EXOC2: variants seen among roughly 807,000 people sequenced by gnomAD.
EXOC2 encodes the protein SEC5-like 1.
Under a neutral mutation model 131.8 loss-of-function variants are expected in EXOC2, and 70 were observed. The ratio of observed to expected loss-of-function variants is 0.53; its 90% confidence interval spans 0.44 to 0.65. The LOEUF is 0.65. EXOC2 is among the 30% of genes least tolerant of loss of function. EXOC2 has a pLI of 0.00. For missense variants in EXOC2, 923 were observed against 1,108.6 expected, an observed-to-expected ratio of 0.83 and a Z score of 2.38; for synonymous variants, 411 against 398.4, an observed-to-expected ratio of 1.03 and a Z score of -0.38.
At chr6:533,798 C>T (rs920236470) in intron 22 of EXOC2, among the ~76,000 whole-genome samples, 2 of 152,114 alleles carry the variant, frequency 1.3e-5, no homozygotes, top group South Asian at 2.1e-4. Context: ...GGCTGGTGGC[C>T]GTTCTGCTTC....
chr6:564,292 C>T (rs530132402), intron 15 of EXOC2, 138 bp from the exon 16 acceptor site: 18 of 1,318,940 alleles, frequency 1.4e-5, no homozygotes, highest in Non-Finnish European at 1.7e-5. Context: ...CAGACCACAA[C>T]TGGGACTGTA....
At chr6:677,047 T>C (rs180993317) in intron 1 of EXOC2, among the ~76,000 whole-genome samples, 557 of 36,694 alleles carry the variant, frequency 0.015, 72 homozygotes, top group East Asian at 0.1. Flanking sequence ...AGGACAGCTT[T>C]CTCTGGAGAC....
At chr6:617,225 A>G (rs1761059514) in intron 6 of EXOC2, among the ~76,000 whole-genome samples, 1 of 152,220 alleles carries the variant, frequency 6.6e-6, no homozygotes, top group African/African-American at 2.4e-5. Context: ...AAATGTCTAA[A>G]GCTATGACAT....
At chr6:576,260 C>G (rs1003803623) in intron 12 of EXOC2, among the ~76,000 whole-genome samples, 1 of 152,092 alleles carries the variant, frequency 6.6e-6, no homozygotes, top group Admixed American at 6.5e-5. Context: ...GGTAAATATC[C>G]ACTCCAGAAA....
At chr6:512,082 T>C (rs1764880476) in intron 23 of EXOC2, among the ~76,000 whole-genome samples, 2 of 152,232 alleles carry the variant, frequency 1.3e-5, no homozygotes, top group African/African-American at 4.8e-5. Flanking sequence ...ACACACACAG[T>C]CTTCTTCCTT....
At chr6:545,718 A>G (rs1183632715) in intron 22 of EXOC2, among the ~76,000 whole-genome samples, 4 of 152,250 alleles carry the variant, frequency 2.6e-5, no homozygotes, top group East Asian at 1.9e-4. Flanking sequence ...CTGTGAATCT[A>G]CTTCAGGATT....
intron 11 of EXOC2, among the ~76,000 whole-genome samples, chr6:589,302 C>T: frequency 6.6e-6 from 1 of 152,172 alleles, no homozygotes; most frequent in South Asian, 2.1e-4. Flanking sequence ...CGTCTCAATG[C>T]CGATCCAGAG....
rs142782864 is a variant in EXOC2, at chr6:659,666, G to A, written c.-43-21805C>T. On this transcript the variant is annotated intron_variant, in intron 1 of 27. Coordinates refer to ENST00000230449, the MANE Select transcript of EXOC2 (RefSeq NM_018303.6). ...CCTGGAGCTGAGTCAATCTGGAGGGGTGAGCGAAACACAGGGGTAGAGGCA... is the reference window on the plus strand; with the variant it reads ...CCTGGAGCTGAGTCAATCTGGAGGGATGAGCGAAACACAGGGGTAGAGGCA... Among the ~76,000 whole-genome samples, 566 of 152,284 alleles carry A rather than the reference G, an allele frequency of 3.7e-3. 5 individuals carry two copies. Among genetic ancestry groups the A allele is most frequent in the African/African-American group, 0.013 (524 of 41,544 alleles).
intron 4 of EXOC2, among the ~76,000 whole-genome samples, chr6:624,368 T>C (rs913114114): frequency 1.3e-5 from 2 of 152,258 alleles, no homozygotes; most frequent in African/African-American, 2.4e-5. Flanking sequence ...TGGATCACCA[T>C]ACCTTCCTCT....
chr6:545,119 A>G (rs1437997817), intron 22 of EXOC2, among the ~76,000 whole-genome samples: 2 of 135,854 alleles, frequency 1.5e-5, no homozygotes, highest in Admixed American at 8.1e-5. Flanking sequence ...TGCAGTCCGC[A>G]GTCCGGCCTG....
chr6:644,969 A>G (rs1343803292), intron 1 of EXOC2, among the ~76,000 whole-genome samples: 1 of 152,164 alleles, frequency 6.6e-6, no homozygotes, highest in African/African-American at 2.4e-5. Flanking sequence ...AGGTCATTCT[A>G]AAATTCCAGT....
intron 17 of EXOC2, among the ~76,000 whole-genome samples, chr6:559,576 A>C (rs3757114): frequency 0.39 from 58,774 of 152,042 alleles, 13,403 homozygotes; most frequent in South Asian, 0.65. Flanking sequence ...TCGTCCCTGC[A>C]GATAGTTATG....
Position 671,363 on chromosome 6 carries a change from AC to A in EXOC2, c.-44+21655del, listed in dbSNP as rs1175069928. 1.4e-4 allele frequency among the ~76,000 whole-genome samples: 21 copies of A among 151,632 alleles called. No individual in the cohort carries two copies. The South Asian group carries it at 4.4e-3, about 32-fold the overall frequency. ...ACAACAACAACAACAACAAAAAAAA[AC>A]AAAAAAAGAAAAACTATTTGTTTTT... is the stretch of plus-strand genomic sequence containing the variant. On this transcript the variant is annotated intron_variant, in intron 1 of 27. Transcript: ENST00000230449.
At chr6:593,799 C>T (rs1233429949) in intron 10 of EXOC2, among the ~76,000 whole-genome samples, 4 of 152,232 alleles carry the variant, frequency 2.6e-5, no homozygotes, top group Non-Finnish European at 5.9e-5. Context: ...CTCAGGGGTG[C>T]ACCCATGCTT....
chr6:572,267 C>T (rs1758327569), intron 13 of EXOC2, among the ~76,000 whole-genome samples: 1 of 152,204 alleles, frequency 6.6e-6, no homozygotes, highest in Non-Finnish European at 1.5e-5. Flanking sequence ...TTGCCTATCT[C>T]ATTTAATCCC....
chr6:648,960 G>A (rs1766841), intron 1 of EXOC2, among the ~76,000 whole-genome samples: 119,289 of 151,806 alleles, frequency 0.79, 47,580 homozygotes, highest in Non-Finnish European at 0.85. Flanking sequence ...CAATCTGCCC[G>A]CTTCCGCCTC....
At chr6:637,412 T>C (rs1301785107) in intron 2 of EXOC2, among the ~76,000 whole-genome samples, 2 of 152,184 alleles carry the variant, frequency 1.3e-5, no homozygotes, top group African/African-American at 4.8e-5. Flanking sequence ...TAAAAGCAGC[T>C]CTTTTGACAA....
At chr6:507,034 C>CTA in intron 23 of EXOC2, among the ~76,000 whole-genome samples, 1 of 147,966 alleles carries the variant, frequency 6.8e-6, no homozygotes, top group South Asian at 2.2e-4. Context: ...ACAGCAGTGA[C>CTA]CACACACACA....
rs781443235 is a variant in EXOC2, at chr6:485,667, G to A, written c.*1004C>T. 4 of 152,196 alleles carry A rather than the reference G, an allele frequency of 2.6e-5. No individual in the cohort carries two copies. The highest frequency in any genetic ancestry group is 4.8e-5 in the African/African-American group (2 of 41,428). 9.4% of individuals were successfully genotyped at this position (152,196 alleles called of 1,614,324 possible). On this transcript the variant is annotated 3_prime_UTR_variant, in exon 28 of 28. Coordinates refer to ENST00000230449, the MANE Select transcript of EXOC2 (RefSeq NM_018303.6). ...CAGTGAATGTGGGGCAAGTGCATGC[G>A]GCTGGTCTACAGCTCCCATTGCCTG...
Sources: gnomAD v4.1 joint callset for allele counts (sites outside exome capture counted in the v4.1 genomes callset) on GRCh38, gnomAD v4.1.1 for gene constraint, MANE v1.5 for transcripts, NCBI Gene and HGNC (gene_info 2026-07-23, HGNC 2026-07-21) for gene names.